The following DLG3 variants were observed in gnomAD, a reference collection of about 807,000 sequenced individuals.
The protein encoded by DLG3 is disks large homolog 3.
A neutral mutation model predicts 64.1 loss-of-function variants in DLG3; 1 was observed. That is an observed-to-expected ratio of 0.02 (90% CI 0.01 to 0.07). DLG3 has a LOEUF of 0.07. DLG3 is among the 10% of genes least tolerant of loss of function. The pLI is 1.00. For synonymous variants in DLG3, 245 were observed against 259.8 expected, an observed-to-expected ratio of 0.94 and a Z score of 0.55; for missense variants, 429 against 669.5, an observed-to-expected ratio of 0.64 and a Z score of 3.96.
chrX:70,494,578 G>A (rs968176810), intron 12 of DLG3, among the ~76,000 whole-genome samples: 23 of 112,179 alleles, frequency 2.1e-4, no homozygotes, highest in African/African-American at 6.5e-4. Context: ...AGCCATAGAC[G>A]GGGTGGCTCT....
At chrX:70,497,191 T>A in intron 13 of DLG3, 1 of 1,211,457 alleles carries the variant, frequency 8.3e-7, no homozygotes, top group Non-Finnish European at 1.1e-6. Context: ...GGGAGTGACA[T>A]CCAACACCAG....
rs2086604399 is a variant in DLG3 at position 70,450,248 on chromosome X, T to C, written c.783T>C (p.Ile261=). The part of the protein sequence containing the change: ...GDNSIYITKI[I]EGGAAQKDGR... ...ACAGCATCTACATCACCAAGATCATTGAGGGGGGTGCTGCTCAGAAGGATG... is the reference window on the plus strand; with the variant it reads ...ACAGCATCTACATCACCAAGATCATCGAGGGGGGTGCTGCTCAGAAGGATG... Residue 261 remains isoleucine (I), a synonymous_variant, in exon 5 of 19, where the codon ATT becomes ATC. Transcript: ENST00000374360. 2.5e-6 allele frequency: 3 copies of C among 1,204,409 alleles called. No homozygotes were observed. The Admixed American group carries it at 6.6e-5, about 27-fold the overall frequency.
rs534372062 is a variant in DLG3, at chrX:70,450,562, T to G, written c.841-77T>G. The stretch of plus-strand genomic sequence containing the variant: ...TTGTTAGCATGCTGTTGAATTTCAC[T>G]GAAAAGGCATCCCTCGAGTTCCCTG... On this transcript the variant is annotated intron_variant, in intron 5 of 18. Transcript: ENST00000374360. The G allele has an allele frequency of 6.1e-6, 7 of 1,149,042 alleles. No homozygotes were observed. The South Asian group carries it at 1.1e-4, about 18-fold the overall frequency. 94.7% of individuals were successfully genotyped at this position (1,149,042 alleles called of 1,213,427 possible).
chrX:70,451,848 C>T lies in DLG3; in HGVS notation c.986-19C>T. ...CCTGGACCAGTCTCTGAACTTTTCT[C>T]TCCCTTTCTTGATTCCAGCTTTTAC... On this transcript the variant is annotated intron_variant, in intron 6 of 18. Coordinates refer to ENST00000374360, the MANE Select transcript of DLG3 (RefSeq NM_021120.4). 8.3e-7 allele frequency: 1 copy of T among 1,210,825 alleles called. No homozygotes were observed. The highest frequency in any genetic ancestry group is 1.1e-6 in the Non-Finnish European group (1 of 895,232).
chrX:70,473,913 A>G (rs1434518751), intron 9 of DLG3, among the ~76,000 whole-genome samples: 1 of 112,382 alleles, frequency 8.9e-6, no homozygotes, highest in African/African-American at 3.2e-5. Flanking sequence ...ATTTGAATAA[A>G]TAAATGAATG....
chrX:70,484,604 G>A (rs1459790894), intron 10 of DLG3, among the ~76,000 whole-genome samples: 4 of 111,754 alleles, frequency 3.6e-5, no homozygotes, highest in African/African-American at 9.8e-5. Context: ...ACCAGAGGGT[G>A]GGGCAGAGCT....
At chrX:70,473,845 C>T (rs2087011173) in intron 9 of DLG3, among the ~76,000 whole-genome samples, 2 of 111,893 alleles carry the variant, frequency 1.8e-5, no homozygotes, top group South Asian at 7.5e-4. Context: ...ACTTCTACCT[C>T]GGCCTCCCAA....
intron 9 of DLG3, among the ~76,000 whole-genome samples, chrX:70,467,049 G>A (rs1262903239): frequency 1.8e-5 from 2 of 110,990 alleles, no homozygotes; most frequent in Non-Finnish European, 3.8e-5. Context: ...AGTAGCTAAG[G>A]ACCACAGGCA....
At chrX:70,470,482 C>T (rs1318693181) in intron 9 of DLG3, among the ~76,000 whole-genome samples, 8 of 111,931 alleles carry the variant, frequency 7.1e-5, no homozygotes, top group African/African-American at 2.6e-4. Flanking sequence ...CCGCCCACCT[C>T]GGCCTCCCAA....
intron 13 of DLG3, 34 bp downstream of exon 13, chrX:70,495,487 G>T (rs1190269446): frequency 1.2e-5 from 14 of 1,181,576 alleles, no homozygotes; most frequent in Non-Finnish European, 1.6e-5. Flanking sequence ...CACTGTACTT[G>T]TGGCATGAAT....
intron 9 of DLG3, among the ~76,000 whole-genome samples, chrX:70,466,524 C>T (rs950997896): frequency 4.7e-5 from 5 of 105,741 alleles, no homozygotes; most frequent in African/African-American, 6.9e-5. Context: ...CTGCAACCTT[C>T]GCTTCCCAGG....
At chrX:70,491,587 G>C (rs2087358686) in intron 10 of DLG3, among the ~76,000 whole-genome samples, 2 of 112,347 alleles carry the variant, frequency 1.8e-5, no homozygotes, top group East Asian at 2.8e-4. Context: ...GACTTCTATG[G>C]TCCCATTGGT....
rs1410761133 is a variant in DLG3 at position 70,445,206 on chromosome X, A to C, written c.5A>C (p.His2Pro). Residue 2 changes from histidine (H) to proline (P), a missense_variant, in exon 1 of 19, where the codon CAC becomes CCC. His to Pro is a moderately conservative substitution (Grantham distance 77, BLOSUM62 -2). Coordinates refer to ENST00000374360, the MANE Select transcript of DLG3 (RefSeq NM_021120.4). M[H>P]KHQHCCKCPE... Reference sequence around the variant, plus strand: ...CGAGCCGCGGGGGGCAGTGCCATGCACAAGCACCAGCACTGCTGTAAGTGC... The same window carrying C: ...CGAGCCGCGGGGGGCAGTGCCATGCCCAAGCACCAGCACTGCTGTAAGTGC... The C allele has an allele frequency of 8.6e-6, 10 of 1,156,985 alleles. No individual in the cohort carries two copies. Among genetic ancestry groups the C allele is most frequent in the Non-Finnish European group, 1.2e-5 (10 of 868,786 alleles).
chrX:70,495,613 G>A (rs975389910), intron 13 of DLG3, among the ~76,000 whole-genome samples, 160 bp downstream of exon 13: 4 of 111,534 alleles, frequency 3.6e-5, no homozygotes, highest in African/African-American at 1.3e-4. Flanking sequence ...GGCTCCATAT[G>A]TTACATGTTT....
chrX:70,459,709 A>G (rs765539782), intron 9 of DLG3, among the ~76,000 whole-genome samples: 1 of 112,353 alleles, frequency 8.9e-6, no homozygotes, highest in Non-Finnish European at 1.9e-5. Flanking sequence ...TAACTTTTAT[A>G]AGCATTAATC....
rs2086591095 is a variant in DLG3, at chrX:70,448,811, G to A, written c.358-102G>A. On this transcript the variant is annotated intron_variant, in intron 1 of 18. Transcript: ENST00000374360. ...AAGAGGTGACCTGGGGTGCACTTGG[G>A]CTCTTCTACTCTGTGGGAGTAGGGG... 4.7e-6 allele frequency: 5 copies of A among 1,064,503 alleles called. No homozygotes were observed. The East Asian group carries it at 1.5e-4, about 33-fold the overall frequency. The allele number at this position is 1,064,503 out of a possible 1,213,427, so 87.7% of individuals were successfully genotyped here.
In DLG3 at chrX:70,448,969, T is replaced by G; in HGVS notation, c.408+6T>G. On this transcript the variant is annotated splice_donor_region_variant and intron_variant, in intron 2 of 18. Coordinates refer to ENST00000374360, the MANE Select transcript of DLG3 (RefSeq NM_021120.4). ...AGGAAATCGTACTTGAGAGGGTGAG[T>G]CTGCCAGTGGGGAAAAGCGGAAAGG... The G allele has an allele frequency of 8.3e-7, 1 of 1,205,765 alleles. No individual in the cohort carries two copies. Among genetic ancestry groups the G allele is most frequent in the Non-Finnish European group, 1.1e-6 (1 of 892,820 alleles).
rs1318487865 is a variant in DLG3 at position 70,503,677 on chromosome X, G to A, written c.*1408G>A. The A allele has an allele frequency of 2.7e-5, 3 of 111,681 alleles. No individual in the cohort carries two copies. The highest frequency in any genetic ancestry group is 9.8e-5 in the African/African-American group (3 of 30,613). The allele number at this position is 111,681 out of a possible 1,213,427, so 9.2% of individuals were successfully genotyped here. On this transcript the variant is annotated 3_prime_UTR_variant, in exon 19 of 19. Transcript: ENST00000374360. The stretch of plus-strand genomic sequence containing the variant: ...CTGGTAGCTTATGGTTTCTTCAAGA[G>A]GAAAGTAGACTTTATGCTGTACATT...
intron 13 of DLG3, among the ~76,000 whole-genome samples, chrX:70,496,317 T>C (rs2087453894): frequency 8.9e-6 from 1 of 112,540 alleles, no homozygotes; most frequent in South Asian, 3.7e-4. Context: ...GGCCACAGCA[T>C]ATCATGGTCT....
Sources: allele counts gnomAD v4.1 joint callset (sites outside exome capture counted in the v4.1 genomes callset), GRCh38; gene constraint gnomAD v4.1.1; transcripts MANE v1.5; gene names NCBI Gene and HGNC (gene_info 2026-07-23, HGNC 2026-07-21).